BIRC7: variants seen among roughly 807,000 people sequenced by gnomAD.
BIRC7 encodes the protein baculoviral IAP repeat containing 7, also known as baculoviral IAP repeat-containing protein 7.
A neutral mutation model predicts 33.2 loss-of-function variants in BIRC7; 26 were observed. That is an observed-to-expected ratio of 0.78 (90% CI 0.57 to 1.09). BIRC7 has a LOEUF of 1.09. Among genes scored for constraint, BIRC7 ranks in the 50% least tolerant of loss-of-function variants. BIRC7 has a pLI of 0.00. For synonymous variants in BIRC7, 176 were observed against 171.0 expected (o/e 1.03, Z -0.23); for missense variants, 409 against 401.2 (o/e 1.02, Z -0.17).
chr20:63,236,450 G>A lies in BIRC7; in HGVS notation c.349+5G>A, dbSNP rs747046370. The A allele has an allele frequency of 4.0e-6, 6 of 1,516,044 alleles. No homozygotes were observed. The highest frequency in any genetic ancestry group is 5.3e-6 in the Non-Finnish European group (6 of 1,134,506). The allele number at this position is 1,516,044 out of a possible 1,614,324, so 93.9% of individuals were successfully genotyped here. On this transcript the variant is annotated splice_donor_5th_base_variant and intron_variant, in intron 1 of 6. Transcript: ENST00000217169. The stretch of plus-strand genomic sequence containing the variant: ...CTGCCGGCTTCTTCCACACAGGTCA[G>A]TCCCGGGCGGGGGGGCCTTCCTGCC...
At chr20:63,237,846 CG>C (rs2066700513) in intron 1 of BIRC7, 56 bp from the exon 2 acceptor site, 2 of 1,473,278 alleles carry the variant, frequency 1.4e-6, no homozygotes, top group Non-Finnish European at 1.8e-6. Flanking sequence ...AAGGACACAC[CG>C]GGGGCCCGGG....
At position 63,239,399 on chromosome 20, in the gene BIRC7, C is replaced by A. The variant is rs757458592; in HGVS notation, c.691C>A (p.Leu231Ile). The change falls in exon 6 of 7, where the codon CTT (leucine) becomes ATT (isoleucine). Residue 231 changes from leucine to isoleucine, a missense_variant. Coordinates refer to ENST00000217169, the MANE Select transcript of BIRC7 (RefSeq NM_139317.3). ...PAEAQRAWWV[L>I]EPPGARDVEA... is the part of the protein sequence containing the mutation. ...CGAGGCCCAGAGGGCGTGGTGGGTT[C>A]TTGAGCCCCCAGGAGCCAGGGATGT... The A allele has an allele frequency of 9.3e-6, 15 of 1,604,874 alleles. No homozygotes were observed. The highest frequency in any genetic ancestry group is 1.7e-5 in the Admixed American group (1 of 59,994).
At chr20:63,239,291 G>A (rs775098582) in intron 5 of BIRC7, 58 bp downstream of exon 5, 5 of 1,606,936 alleles carry the variant, frequency 3.1e-6, no homozygotes, top group Non-Finnish European at 3.4e-6. Context: ...GAGGGACCCC[G>A]ACCTTCCATG....
chr20:63,239,713 A>G, intron 6 of BIRC7, 103 bp downstream of exon 6: 1 of 1,405,580 alleles, frequency 7.1e-7, no homozygotes. Flanking sequence ...CCCGGGTGGC[A>G]GCGTCAGCTT....
chr20:63,239,276 G>C (rs752950376), intron 5 of BIRC7, 43 bp downstream of exon 5: 2 of 1,609,448 alleles, frequency 1.2e-6, no homozygotes, highest in African/African-American at 1.3e-5. Flanking sequence ...GGGCAGGGGA[G>C]GGCTGAGGGA....
chr20:63,240,075 CGAGGGA>C (rs2066725936), intron 6 of BIRC7, among the ~76,000 whole-genome samples, 175 bp from the exon 7 acceptor site: 1 of 152,224 alleles, frequency 6.6e-6, no homozygotes, highest in Non-Finnish European at 1.5e-5. Flanking sequence ...CCATACTGGC[CGAGGGA>C]CAGGTGCTGT....
At chr20:63,238,328 G>A in intron 2 of BIRC7, 68 bp from the exon 3 acceptor site, 1 of 1,580,530 alleles carries the variant, frequency 6.3e-7, no homozygotes, top group Non-Finnish European at 8.7e-7. Context: ...TGACCCCCGG[G>A]GATCCAAGGG....
In BIRC7 at chr20:63,236,101, G is replaced by A. The variant is rs760631268; in HGVS notation, c.5G>A (p.Gly2Glu). Residue 2 changes from glycine to glutamate, a missense_variant, in exon 1 of 7, where the codon GGA becomes GAA. Physicochemically the swap from Gly to Glu is moderately conservative, Grantham distance 98. Transcript: ENST00000217169. ...GTCAGAGCCAGTGTTCCCTCCATGG[G>A]ACCTAAAGACAGTGCCAAGTGCCTG... Reference protein sequence around the residue: MGPKDSAKCLHR... With the variant: MEPKDSAKCLHR... 3.2e-6 allele frequency: 5 copies of A among 1,546,636 alleles called. No homozygotes were observed. The highest frequency in any genetic ancestry group is 8.8e-7 in the Non-Finnish European group (1 of 1,138,572).
Position 63,237,981 on chromosome 20 carries a change from A to G in BIRC7, c.428A>G (p.Glu143Gly). 1 of 1,603,146 alleles carries G rather than the reference A, an allele frequency of 6.2e-7. No homozygotes were observed. The highest frequency in any genetic ancestry group is 8.5e-7 in the Non-Finnish European group (1 of 1,176,322). The change falls in exon 2 of 7, where the codon GAG (glutamate) becomes GGG (glycine). Residue 143 changes from glutamate to glycine, a missense_variant. Glu to Gly is a moderately conservative substitution (Grantham distance 98). Coordinates refer to ENST00000217169, the MANE Select transcript of BIRC7 (RefSeq NM_139317.3). ...AAGCGCGGGGACGACCCCTGGACGGAGCATGCCAAGTGGTTCCCCAGGTAC... is the reference window on the plus strand; with the variant it reads ...AAGCGCGGGGACGACCCCTGGACGGGGCATGCCAAGTGGTTCCCCAGGTAC... The part of the protein sequence containing the change: ...SWKRGDDPWT[E>G]HAKWFPSCQF...
intron 6 of BIRC7, 78 bp downstream of exon 6, chr20:63,239,688 C>T: frequency 6.9e-7 from 1 of 1,459,636 alleles, no homozygotes; most frequent in Non-Finnish European, 9.1e-7. Flanking sequence ...CCCTCCTGAA[C>T]CCATGCAGGC....
intron 6 of BIRC7, 55 bp downstream of exon 6, chr20:63,239,665 C>A: frequency 6.6e-7 from 1 of 1,521,636 alleles, no homozygotes; most frequent in South Asian, 1.2e-5. Flanking sequence ...GGCCCTGAGC[C>A]GGCTGTGCCC....
In BIRC7 at chr20:63,240,333, G is replaced by A. The variant is rs1451249345; in HGVS notation, c.*83G>A. Reference sequence around the variant, plus strand: ...CTGTTCTGGACTGTGTTCTGGGCCTGCTGAGGATGGCAGAGCTGGTGTCCA... The same window carrying A: ...CTGTTCTGGACTGTGTTCTGGGCCTACTGAGGATGGCAGAGCTGGTGTCCA... On this transcript the variant is annotated 3_prime_UTR_variant, in exon 7 of 7. Coordinates refer to ENST00000217169, the MANE Select transcript of BIRC7 (RefSeq NM_139317.3). 1 of 153,010 alleles carries A rather than the reference G, an allele frequency of 6.5e-6. No homozygotes were observed. The highest frequency in any genetic ancestry group is 1.5e-5 in the Non-Finnish European group (1 of 68,596). 9.5% of individuals were successfully genotyped at this position (153,010 alleles called of 1,614,324 possible).
chr20:63,237,781 T>C (rs1601255295), intron 1 of BIRC7, 122 bp from the exon 2 acceptor site: 5 of 429,526 alleles, frequency 1.2e-5, no homozygotes, highest in Non-Finnish European at 1.7e-5. Flanking sequence ...GCCCACCCCC[T>C]CCTCCTTCTT....
In BIRC7 at chr20:63,236,264, G is replaced by A; in HGVS notation, c.168G>A (p.Leu56=). 1 of 1,608,230 alleles carries A rather than the reference G, an allele frequency of 6.2e-7. No homozygotes were observed. Among genetic ancestry groups the A allele is most frequent in the Non-Finnish European group, 8.5e-7 (1 of 1,177,764 alleles). The part of the protein sequence containing the change: ...RAWDHVDGQI[L]GQLRPLTEEE... ...GGGACCACGTGGATGGGCAGATCCT[G>A]GGCCAGCTGCGGCCCCTGACAGAGG... Residue 56 remains leucine, a synonymous_variant, in exon 1 of 7, where the codon CTG becomes CTA. Transcript: ENST00000217169.
chr20:63,237,862 G>T, intron 1 of BIRC7, 41 bp from the exon 2 acceptor site: 1 of 1,548,126 alleles, frequency 6.5e-7, no homozygotes, highest in Non-Finnish European at 8.7e-7. Context: ...CCCGGGGACT[G>T]GGTGGGACTT....
Position 63,236,304 on chromosome 20 carries a change from G to A in BIRC7, c.208G>A (p.Gly70Ser). Reference protein sequence around the residue: ...RPLTEEEEEEGAGATLSRGPA... With the variant: ...RPLTEEEEEESAGATLSRGPA... ...CCTGACAGAGGAGGAAGAGGAGGAG[G>A]GCGCCGGGGCCACCTTGTCCAGGGG... The change falls in exon 1 of 7, where the codon GGC (glycine) becomes AGC (serine). Residue 70 changes from glycine to serine, a missense_variant. Transcript: ENST00000217169. 1 of 1,610,678 alleles carries A rather than the reference G, an allele frequency of 6.2e-7. No individual in the cohort carries two copies. The highest frequency in any genetic ancestry group is 8.5e-7 in the Non-Finnish European group (1 of 1,178,754).
At position 63,238,241 on chromosome 20, in the gene BIRC7, T is replaced by A. The variant is rs117240887; in HGVS notation, c.450-155T>A. 2.2e-4 allele frequency: 216 copies of A among 969,452 alleles called. No individual in the cohort carries two copies. The East Asian group carries it at 4.9e-3, about 22-fold the overall frequency. The allele number at this position is 969,452 out of a possible 1,614,324, so 60.1% of individuals were successfully genotyped here. On this transcript the variant is annotated intron_variant, in intron 2 of 6. Transcript: ENST00000217169. ...CCCATGGGACTACCCTGAAGCCCCA[T>A]GGAGGCGTCTCCACAGCAGCCCTCC...
chr20:63,239,828 C>G (rs2066723286), intron 6 of BIRC7, among the ~76,000 whole-genome samples: 2 of 152,234 alleles, frequency 1.3e-5, no homozygotes, highest in African/African-American at 4.8e-5. Context: ...GCCCTGGCGG[C>G]CACCATAGCT....
At chr20:63,237,586 C>T (rs2066698621) in intron 1 of BIRC7, among the ~76,000 whole-genome samples, 1 of 151,986 alleles carries the variant, frequency 6.6e-6, no homozygotes, top group Admixed American at 6.5e-5. Context: ...GCTCCTGAAG[C>T]CCCAGGGCTA....
Sources: gnomAD v4.1 joint callset for allele counts (sites outside exome capture counted in the v4.1 genomes callset) on GRCh38, gnomAD v4.1.1 for gene constraint, MANE v1.5 for transcripts, NCBI Gene and HGNC (gene_info 2026-07-23, HGNC 2026-07-21) for gene names.